SDCBP: variants seen among roughly 807,000 people sequenced by gnomAD.
SDCBP encodes syndecan binding protein, also known as syntenin-1.
SDCBP carries 22 observed loss-of-function variants against 30.5 expected under a neutral mutation model. The ratio of observed to expected loss-of-function variants is 0.72; its 90% CI spans 0.52 to 1.03. The LOEUF (loss-of-function observed/expected upper bound fraction) is 1.03. Among genes scored for constraint, SDCBP ranks in the 50% least tolerant of loss-of-function variants. The pLI, the probability that SDCBP is intolerant of heterozygous loss-of-function variation, is 0.00. For missense variants in SDCBP, 304 were observed against 369.9 expected (o/e 0.82, Z 1.46); for synonymous variants, 103 against 118.7 (o/e 0.87, Z 0.86).
At chr8:58,554,876 T>G (rs77121175) in intron 1 of SDCBP, among the ~76,000 whole-genome samples, 10,167 of 152,300 alleles carry the variant, frequency 0.067, 861 homozygotes, top group East Asian at 0.26. Context: ...GTAAATGTAT[T>G]GTTTTTGAGT....
chr8:58,574,913 C>T lies in SDCBP; in HGVS notation c.241-987C>T, dbSNP rs1044703231. Among the ~76,000 whole-genome samples the T allele has an allele frequency of 5.3e-5, 8 of 152,140 alleles. No homozygotes were observed. The East Asian group carries it at 9.6e-4, about 18-fold the overall frequency. On this transcript the variant is annotated intron_variant, in intron 4 of 8. Transcript: ENST00000260130. ...TACTCTTAGCAACTTTCAAGTATACCGTACAGTATTATTAATTATAGTTAC... is the reference window on the plus strand; with the variant it reads ...TACTCTTAGCAACTTTCAAGTATACTGTACAGTATTATTAATTATAGTTAC...
chr8:58,580,111 A>T (rs1465096297), intron 7 of SDCBP, among the ~76,000 whole-genome samples: 1 of 152,214 alleles, frequency 6.6e-6, no homozygotes, highest in Non-Finnish European at 1.5e-5. Context: ...AATGAATAAT[A>T]GTTTTGGTTC....
intron 1 of SDCBP, among the ~76,000 whole-genome samples, chr8:58,562,481 G>A (rs1056462641): frequency 1.2e-4 from 18 of 152,102 alleles, no homozygotes; most frequent in Admixed American, 1.2e-3. Context: ...GTGTGGTACT[G>A]GTATAAGGAT....
At chr8:58,567,653 A>C (rs1270071047) in intron 2 of SDCBP, among the ~76,000 whole-genome samples, 1 of 152,216 alleles carries the variant, frequency 6.6e-6, no homozygotes, top group Non-Finnish European at 1.5e-5. Flanking sequence ...ATGCCTCATT[A>C]GACAGTTTTG....
intron 7 of SDCBP, among the ~76,000 whole-genome samples, chr8:58,580,120 T>C (rs1177756178): frequency 6.6e-6 from 1 of 152,228 alleles, no homozygotes; most frequent in Non-Finnish European, 1.5e-5. Context: ...TAGTTTTGGT[T>C]CATATTAATA....
chr8:58,571,109 G>A (rs1172330003), intron 3 of SDCBP, 144 bp downstream of exon 3: 3 of 558,070 alleles, frequency 5.4e-6, no homozygotes, highest in Non-Finnish European at 9.7e-6. Flanking sequence ...AGAAAAAAAA[G>A]TTTACTTCAA....
At chr8:58,563,155 T>C (rs536597351) in intron 1 of SDCBP, among the ~76,000 whole-genome samples, 15 of 152,348 alleles carry the variant, frequency 9.8e-5, no homozygotes, top group African/African-American at 2.6e-4. Context: ...AACAGCATTA[T>C]TTATAATAGC....
At chr8:58,555,752 G>GTT (rs901249877) in intron 1 of SDCBP, among the ~76,000 whole-genome samples, 15 of 140,358 alleles carry the variant, frequency 1.1e-4, no homozygotes, top group Admixed American at 1.4e-4. Flanking sequence ...TCATTTTTTA[G>GTT]TTTTTTTTTT....
chr8:58,577,226 A>G (rs1198212906), intron 5 of SDCBP, among the ~76,000 whole-genome samples: 1 of 152,246 alleles, frequency 6.6e-6, no homozygotes, highest in Non-Finnish European at 1.5e-5. Flanking sequence ...ATCATTCTAC[A>G]ATGTAACAGA....
intron 1 of SDCBP, chr8:58,561,390 G>C (rs909789779): frequency 6.2e-6 from 1 of 161,858 alleles, no homozygotes; most frequent in Non-Finnish European, 1.3e-5. Context: ...ATGGACTCCA[G>C]AGTAGAACAA....
chr8:58,555,746 T>A (rs1456443813), intron 1 of SDCBP, among the ~76,000 whole-genome samples: 2 of 151,768 alleles, frequency 1.3e-5, no homozygotes, highest in Non-Finnish European at 2.9e-5. Flanking sequence ...ATTTTTTCAT[T>A]TTTTAGTTTT....
At chr8:58,579,062 G>A (rs1372055130) in intron 6 of SDCBP, among the ~76,000 whole-genome samples, 1 of 152,168 alleles carries the variant, frequency 6.6e-6, no homozygotes, top group Non-Finnish European at 1.5e-5. Flanking sequence ...AGGGACAGCT[G>A]GATGCCTTTT....
chr8:58,581,757 G>A lies in SDCBP; in HGVS notation c.*17G>A, dbSNP rs189167178. ...GAGGTTTAAAATTCACGGCACCATG[G>A]AAATGTAGCTGAACGTCTCCAGTTT... On this transcript the variant is annotated 3_prime_UTR_variant, in exon 9 of 9. Coordinates refer to ENST00000260130, the MANE Select transcript of SDCBP (RefSeq NM_005625.4). 1,585 of 1,608,222 alleles carry A rather than the reference G, an allele frequency of 9.9e-4. 2 individuals are homozygous for A. The highest frequency in any genetic ancestry group is 1.2e-3 in the Non-Finnish European group (1,445 of 1,176,186).
chr8:58,576,988 T>C (rs1805374866), intron 5 of SDCBP, among the ~76,000 whole-genome samples: 1 of 152,232 alleles, frequency 6.6e-6, no homozygotes, highest in Non-Finnish European at 1.5e-5. Flanking sequence ...ATCTGCGTGC[T>C]TAGTTGGGAT....
chr8:58,578,486 ACTT>A (rs1424023882), intron 6 of SDCBP: 1 of 244,518 alleles, frequency 4.1e-6, no homozygotes, highest in East Asian at 9.8e-5. Context: ...CTCTGGGCTC[ACTT>A]TCCAACTTAC....
intron 2 of SDCBP, 120 bp downstream of exon 2, chr8:58,565,204 C>G: frequency 2.2e-6 from 1 of 448,812 alleles, no homozygotes; most frequent in Non-Finnish European, 3.9e-6. Context: ...ACTTCATAAA[C>G]CTTTTTTTAG....
chr8:58,567,204 A>T (rs1254859600), intron 2 of SDCBP, among the ~76,000 whole-genome samples: 1 of 152,210 alleles, frequency 6.6e-6, no homozygotes, highest in South Asian at 2.1e-4. Flanking sequence ...CAGTACTTAA[A>T]ATTGGGTTAC....
chr8:58,577,983 A>G (rs1431264089), intron 5 of SDCBP, 50 bp from the exon 6 acceptor site: 1 of 1,395,414 alleles, frequency 7.2e-7, no homozygotes, highest in South Asian at 1.2e-5. Flanking sequence ...AGCGTTTAAA[A>G]CCGTATCATA....
chr8:58,576,801 C>T (rs1432230211), intron 5 of SDCBP, among the ~76,000 whole-genome samples: 1 of 152,184 alleles, frequency 6.6e-6, no homozygotes, highest in Non-Finnish European at 1.5e-5. Flanking sequence ...GATTCGGTTT[C>T]AGTCATACAT....
Sources: allele counts gnomAD v4.1 joint callset (sites outside exome capture counted in the v4.1 genomes callset), GRCh38; gene constraint gnomAD v4.1.1; transcripts MANE v1.5; gene names NCBI Gene and HGNC (gene_info 2026-07-23, HGNC 2026-07-21).